The following NLGN1 variants were observed in gnomAD, a reference collection of about 807,000 sequenced individuals.
The protein encoded by NLGN1 is neuroligin-1.
NLGN1 carries 12 observed loss-of-function variants against 65.5 expected under a neutral mutation model. The observed-to-expected ratio is 0.18, with a 90% CI of 0.12 to 0.30. The LOEUF (loss-of-function observed/expected upper bound fraction) is 0.30, where lower values mean the gene tolerates loss of function less well. Among genes scored for constraint, NLGN1 ranks in the 10% least tolerant of loss-of-function variants. The probability of loss-of-function intolerance (pLI) is 1.00; values close to 1 mark genes in which losing one functional copy is unlikely to be tolerated. For missense variants in NLGN1, 750 were observed against 1,007.1 expected (o/e 0.74, Z 3.46); for synonymous variants, 350 against 359.5 (o/e 0.97, Z 0.30).
At chr3:173,983,913 G>A (rs569415272) in intron 4 of NLGN1, among the ~76,000 whole-genome samples, 3 of 152,254 alleles carry the variant, frequency 2.0e-5, no homozygotes, top group African/African-American at 7.2e-5. Flanking sequence ...CTTATTCGCT[G>A]ATATATTTGC....
At chr3:174,091,622 A>C (rs530232128) in intron 4 of NLGN1, among the ~76,000 whole-genome samples, 1 of 152,348 alleles carries the variant, frequency 6.6e-6, no homozygotes, top group African/African-American at 2.4e-5. Context: ...AGGTTGATGA[A>C]TCATTTATTT....
intron 3 of NLGN1, among the ~76,000 whole-genome samples, chr3:173,690,103 G>A (rs1765248751): frequency 6.6e-6 from 1 of 152,130 alleles, no homozygotes; most frequent in Non-Finnish European, 1.5e-5. Flanking sequence ...GTCAAAAGTG[G>A]TAGCAGGACT....
intron 3 of NLGN1, among the ~76,000 whole-genome samples, chr3:173,779,189 A>G (rs1006559325): frequency 6.6e-6 from 1 of 151,846 alleles, no homozygotes; most frequent in Non-Finnish European, 1.5e-5. Flanking sequence ...GATTAACTAG[A>G]TATTAGCTCA....
At chr3:173,959,463 C>G (rs968933125) in intron 4 of NLGN1, among the ~76,000 whole-genome samples, 1 of 152,222 alleles carries the variant, frequency 6.6e-6, no homozygotes, top group African/African-American at 2.4e-5. Flanking sequence ...TATGTTGATA[C>G]ATGAGAAAGA....
intron 1 of NLGN1, among the ~76,000 whole-genome samples, chr3:173,423,865 G>A (rs1715596297): frequency 6.6e-6 from 1 of 152,308 alleles, no homozygotes; most frequent in South Asian, 2.1e-4. Context: ...TGGAGACTGT[G>A]TTGGGACTCC....
intron 2 of NLGN1, among the ~76,000 whole-genome samples, chr3:173,446,552 A>G (rs1195086390): frequency 1.3e-5 from 2 of 152,342 alleles, no homozygotes; most frequent in East Asian, 3.9e-4. Flanking sequence ...TTATAGCAGC[A>G]TGATTTACAA....
At chr3:174,259,129 G>T (rs913510580) in intron 4 of NLGN1, among the ~76,000 whole-genome samples, 33 of 152,084 alleles carry the variant, frequency 2.2e-4, no homozygotes, top group African/African-American at 8.0e-4. Context: ...TAAGATATTA[G>T]AAATAAAATA....
chr3:173,923,251 G>A (rs1451706009), intron 4 of NLGN1, among the ~76,000 whole-genome samples: 1 of 152,124 alleles, frequency 6.6e-6, no homozygotes, highest in East Asian at 1.9e-4. Context: ...GCAGAGATAG[G>A]AGCCTGAGTA....
At chr3:174,270,333 A>T (rs1442706698) in intron 4 of NLGN1, among the ~76,000 whole-genome samples, 1 of 151,704 alleles carries the variant, frequency 6.6e-6, no homozygotes, top group African/African-American at 2.4e-5. Context: ...GGTGTATGCT[A>T]AGAGTCCAAC....
At chr3:173,805,722 G>A (rs2063109640) in intron 3 of NLGN1, among the ~76,000 whole-genome samples, 1 of 152,180 alleles carries the variant, frequency 6.6e-6, no homozygotes, top group Non-Finnish European at 1.5e-5. Context: ...AATTAGCCGA[G>A]TACAGTGTCT....
At chr3:173,649,348 T>A (rs1758773396) in intron 3 of NLGN1, among the ~76,000 whole-genome samples, 1 of 152,084 alleles carries the variant, frequency 6.6e-6, no homozygotes, top group Non-Finnish European at 1.5e-5. Flanking sequence ...CTATTACATG[T>A]TACAAGTTAC....
chr3:174,030,693 C>A (rs568547480), intron 4 of NLGN1, among the ~76,000 whole-genome samples: 27 of 152,190 alleles, frequency 1.8e-4, no homozygotes, highest in African/African-American at 5.3e-4. Flanking sequence ...CAGGTGGTGG[C>A]AGGATGGTAG....
At chr3:173,511,304 G>A (rs1227296177) in intron 2 of NLGN1, among the ~76,000 whole-genome samples, 1 of 152,040 alleles carries the variant, frequency 6.6e-6, no homozygotes, top group Non-Finnish European at 1.5e-5. Context: ...GTTCCCATAT[G>A]TCCCCAGTCC....
chr3:173,934,290 ATAT>A (rs1037861746), intron 4 of NLGN1, among the ~76,000 whole-genome samples: 4 of 148,916 alleles, frequency 2.7e-5, no homozygotes, highest in African/African-American at 4.9e-5. Context: ...AGTAGTTTTA[ATAT>A]TATACTAATA....
At chr3:173,603,675 C>G (rs1184392260) in intron 2 of NLGN1, among the ~76,000 whole-genome samples, 1 of 151,966 alleles carries the variant, frequency 6.6e-6, no homozygotes, top group African/African-American at 2.4e-5. Flanking sequence ...AACCTATAAG[C>G]AAAATTTTAT....
chr3:174,089,390 C>G (rs951913926), intron 4 of NLGN1, among the ~76,000 whole-genome samples: 1 of 152,118 alleles, frequency 6.6e-6, no homozygotes, highest in Non-Finnish European at 1.5e-5. Flanking sequence ...AAAACTTGAG[C>G]AGAAAATCAT....
chr3:173,664,047 A>T (rs536633115), intron 3 of NLGN1, among the ~76,000 whole-genome samples: 2 of 152,118 alleles, frequency 1.3e-5, no homozygotes, highest in Non-Finnish European at 1.5e-5. Flanking sequence ...TGGGCCTTTC[A>T]GCACTGTAAT....
rs80118073 is a variant in NLGN1, at chr3:174,098,241, A to G, written c.647-177074A>G. Reference sequence around the variant, plus strand: ...TTGCCTCCCGAACATTTTTCCTTCAATTGTGGCTGTGCATTTATTACACTC... The same window carrying G: ...TTGCCTCCCGAACATTTTTCCTTCAGTTGTGGCTGTGCATTTATTACACTC... On this transcript the variant is annotated intron_variant, in intron 4 of 6. Transcript: ENST00000457714. Among the ~76,000 whole-genome samples the G allele has an allele frequency of 5.4e-3, 828 of 152,244 alleles. 7 individuals carry two copies. The highest frequency in any genetic ancestry group is 0.017 in the African/African-American group (723 of 41,554).
chr3:174,121,626 C>G (rs1046520843), intron 4 of NLGN1, among the ~76,000 whole-genome samples: 57 of 152,278 alleles, frequency 3.7e-4, no homozygotes, highest in African/African-American at 1.4e-3. Flanking sequence ...CATACAATTT[C>G]ATTTGGAATA....
Sources: allele counts gnomAD v4.1 joint callset (sites outside exome capture counted in the v4.1 genomes callset), GRCh38; gene constraint gnomAD v4.1.1; transcripts MANE v1.5; gene names NCBI Gene and HGNC (gene_info 2026-07-23, HGNC 2026-07-21).